SCMH1: variants seen among roughly 807,000 people sequenced by gnomAD.
SCMH1 encodes the protein Scm polycomb group protein homolog 1.
Under a neutral mutation model 70.8 loss-of-function variants are expected in SCMH1, and 37 were observed. That is an observed-to-expected ratio of 0.52 (90% CI 0.40 to 0.69). The LOEUF (loss-of-function observed/expected upper bound fraction) is 0.69, where lower values mean the gene tolerates loss of function less well. Among genes scored for constraint, SCMH1 ranks in the 30% least tolerant of loss-of-function variants. SCMH1 has a pLI of 0.00. For synonymous variants in SCMH1, 292 were observed against 307.4 expected, an observed-to-expected ratio of 0.95 and a Z score of 0.52; for missense variants, 607 against 827.3, an observed-to-expected ratio of 0.73 and a Z score of 3.27.
intron 1 of SCMH1, among the ~76,000 whole-genome samples, chr1:41,210,339 CA>C (rs1338364824): frequency 2.6e-5 from 4 of 152,016 alleles, no homozygotes; most frequent in African/African-American, 9.7e-5. Flanking sequence ...ACTTTCTTTG[CA>C]AAATTGGAAA....
intron 1 of SCMH1, among the ~76,000 whole-genome samples, chr1:41,234,634 C>T (rs1050475908): frequency 6.6e-6 from 1 of 151,768 alleles, no homozygotes; most frequent in Non-Finnish European, 1.5e-5. Context: ...GCCACCACAC[C>T]TGGCTAATTT....
chr1:41,068,648 C>T (rs1474485112), intron 10 of SCMH1, among the ~76,000 whole-genome samples: 2 of 152,054 alleles, frequency 1.3e-5, no homozygotes, highest in East Asian at 1.9e-4. Flanking sequence ...TCAAGTAATC[C>T]GTCCGTCTTG....
chr1:41,187,802 C>T (rs1476934624), intron 1 of SCMH1, among the ~76,000 whole-genome samples: 5 of 140,408 alleles, frequency 3.6e-5, no homozygotes, highest in African/African-American at 1.3e-4. Flanking sequence ...CATGGTGAAA[C>T]CCCATCTCTA....
intron 1 of SCMH1, among the ~76,000 whole-genome samples, chr1:41,241,714 C>T (rs1263713227): frequency 2.0e-5 from 3 of 151,884 alleles, no homozygotes; most frequent in Admixed American, 2.0e-4. Context: ...ATACGGACCG[C>T]CCCCACGCCG....
At chr1:41,168,565 T>TA (rs1183096903) in intron 2 of SCMH1, among the ~76,000 whole-genome samples, 1 of 152,136 alleles carries the variant, frequency 6.6e-6, no homozygotes, top group Non-Finnish European at 1.5e-5. Context: ...TGAACATCTT[T>TA]ATAACCATTA....
chr1:41,170,187 C>T (rs189307404), intron 2 of SCMH1, among the ~76,000 whole-genome samples: 3 of 152,202 alleles, frequency 2.0e-5, no homozygotes, highest in Admixed American at 1.3e-4. Context: ...GAAAGACTTG[C>T]GTATGTCTAA....
At chr1:41,238,887 A>G (rs1369308291) in intron 1 of SCMH1, among the ~76,000 whole-genome samples, 1 of 152,168 alleles carries the variant, frequency 6.6e-6, no homozygotes, top group Non-Finnish European at 1.5e-5. Flanking sequence ...TGAACTCATC[A>G]TCGTTTCCTG....
chr1:41,153,188 A>G (rs898118499), intron 4 of SCMH1, among the ~76,000 whole-genome samples: 4 of 152,164 alleles, frequency 2.6e-5, no homozygotes, highest in African/African-American at 9.7e-5. Context: ...AGAATCTTCA[A>G]CTCTGGCATC....
chr1:41,161,010 A>T lies in SCMH1; in HGVS notation c.83-112T>A. 3 of 1,112,462 alleles carry T rather than the reference A, an allele frequency of 2.7e-6. No homozygotes were observed. The South Asian group carries it at 4.1e-5, about 15-fold the overall frequency. 68.9% of individuals were successfully genotyped at this position (1,112,462 alleles called of 1,614,324 possible). The stretch of plus-strand genomic sequence containing the variant: ...AATCGAGTATTTGTCTAGTTCAGTT[A>T]TCTCATCCTAAAAGACACTGAGATT... On this transcript the variant is annotated intron_variant, in intron 3 of 14. Transcript: ENST00000337495.
At chr1:41,107,139 T>C (rs1399496500) in intron 8 of SCMH1, among the ~76,000 whole-genome samples, 2 of 151,840 alleles carry the variant, frequency 1.3e-5, no homozygotes, top group Non-Finnish European at 2.9e-5. Context: ...AAGCCTTCGT[T>C]TGGAAGTCTT....
In SCMH1 at chr1:41,101,692, T is replaced by A. The variant is rs139834594; in HGVS notation, c.745+11591A>T. On this transcript the variant is annotated intron_variant, in intron 8 of 14. Transcript: ENST00000337495. ...GCTAAATATCCAAGTCCGCTGTTTT[T>A]TTCAAGCAAAGATAATATTCCATGA... Among the ~76,000 whole-genome samples, 951 of 152,362 alleles carry A rather than the reference T, an allele frequency of 6.2e-3. 15 individuals carry two copies. The highest frequency in any genetic ancestry group is 0.022 in the African/African-American group (910 of 41,578).
At chr1:41,069,784 CCATGG>C (rs1462022859) in intron 10 of SCMH1, among the ~76,000 whole-genome samples, 1 of 152,154 alleles carries the variant, frequency 6.6e-6, no homozygotes, top group African/African-American at 2.4e-5. Flanking sequence ...TACAGCCTGA[CCATGG>C]CAGGTTCTCT....
chr1:41,097,910 TG>T (rs1256605564), intron 8 of SCMH1, among the ~76,000 whole-genome samples: 1 of 152,252 alleles, frequency 6.6e-6, no homozygotes, highest in Non-Finnish European at 1.5e-5. Flanking sequence ...TCTTTCACCT[TG>T]TCTGATTTCA....
chr1:41,094,321 C>T (rs1196305001), intron 8 of SCMH1, among the ~76,000 whole-genome samples: 2 of 152,106 alleles, frequency 1.3e-5, no homozygotes, highest in Non-Finnish European at 2.9e-5. Context: ...TGATTTGTGT[C>T]AAGGTGCCAG....
At chr1:41,048,939 G>A (rs866575987) in intron 10 of SCMH1, 49 bp from the exon 11 acceptor site, 1 of 1,520,010 alleles carries the variant, frequency 6.6e-7, no homozygotes, top group Middle Eastern at 1.7e-4. Context: ...CTGGGATAGA[G>A]AAGTCAGAGA....
At chr1:41,127,802 C>T (rs1673603527) in intron 6 of SCMH1, among the ~76,000 whole-genome samples, 3 of 152,090 alleles carry the variant, frequency 2.0e-5, no homozygotes, top group African/African-American at 4.8e-5. Context: ...CCCTCCCTTC[C>T]TTCTTCCTTC....
chr1:41,204,727 A>T (rs991070896), intron 1 of SCMH1, among the ~76,000 whole-genome samples: 2 of 152,126 alleles, frequency 1.3e-5, no homozygotes, highest in Admixed American at 1.3e-4. Flanking sequence ...ACCACTCTTA[A>T]TTCTCCACAT....
At chr1:41,050,798 A>G (rs1475962199) in intron 10 of SCMH1, among the ~76,000 whole-genome samples, 1 of 152,198 alleles carries the variant, frequency 6.6e-6, no homozygotes, top group East Asian at 1.9e-4. Flanking sequence ...CCACGCTCTC[A>G]TAATTTGCAA....
intron 12 of SCMH1, among the ~76,000 whole-genome samples, chr1:41,040,434 G>A (rs937447106): frequency 1.3e-5 from 2 of 152,138 alleles, no homozygotes; most frequent in Non-Finnish European, 2.9e-5. Flanking sequence ...GGCATCGTCC[G>A]GAGAAAAGTC....
Sources: allele counts gnomAD v4.1 joint callset (sites outside exome capture counted in the v4.1 genomes callset), GRCh38; gene constraint gnomAD v4.1.1; transcripts MANE v1.5; gene names NCBI Gene and HGNC (gene_info 2026-07-23, HGNC 2026-07-21).